Variants in GABRB1 observed in about 807,000 individuals in gnomAD.
The protein encoded by GABRB1 is gamma-aminobutyric acid type A receptor subunit beta1.
GABRB1 carries 17 observed loss-of-function variants against 51.6 expected under a neutral mutation model. That is an observed-to-expected ratio of 0.33 (90% confidence interval 0.23 to 0.49). The LOEUF (loss-of-function observed/expected upper bound fraction) is 0.49, where lower values mean the gene tolerates loss of function less well. Ranked by LOEUF, GABRB1 falls within the 20% of genes least tolerant of loss-of-function variation. The pLI, the probability that GABRB1 is intolerant of heterozygous loss-of-function variation, is 0.99. For missense variants in GABRB1, 410 were observed against 600.6 expected, an observed-to-expected ratio of 0.68 and a Z score of 3.32; for synonymous variants, 247 against 218.9, an observed-to-expected ratio of 1.13 and a Z score of -1.14.
At chr4:47,148,257 G>T (rs1717266316) in intron 3 of GABRB1, among the ~76,000 whole-genome samples, 1 of 151,966 alleles carries the variant, frequency 6.6e-6, no homozygotes, top group Admixed American at 6.6e-5. Flanking sequence ...GGGTGGAGAT[G>T]GAGGACCCGA....
chr4:47,236,876 A>C (rs1721351210), intron 4 of GABRB1, among the ~76,000 whole-genome samples: 1 of 152,154 alleles, frequency 6.6e-6, no homozygotes, highest in Non-Finnish European at 1.5e-5. Flanking sequence ...TGAAAAAGAA[A>C]AAGGTAAAGT....
chr4:47,156,228 A>T (rs1216858231), intron 3 of GABRB1, among the ~76,000 whole-genome samples: 2 of 151,336 alleles, frequency 1.3e-5, no homozygotes, highest in Non-Finnish European at 1.5e-5. Flanking sequence ...TCCAGTATCC[A>T]TTACTGCCTG....
At chr4:47,008,737 T>A (rs924665065) in intron 1 of GABRB1, among the ~76,000 whole-genome samples, 1 of 150,016 alleles carries the variant, frequency 6.7e-6, no homozygotes, top group Admixed American at 6.7e-5. Flanking sequence ...CCTTGGCCTC[T>A]GAAAGTGCTG....
At chr4:47,358,317 G>A (rs1400470369) in intron 5 of GABRB1, among the ~76,000 whole-genome samples, 2 of 151,668 alleles carry the variant, frequency 1.3e-5, no homozygotes. Context: ...ATATGTGTGT[G>A]TATATATATA....
chr4:47,355,930 G>A (rs190875670), intron 5 of GABRB1, among the ~76,000 whole-genome samples: 1 of 152,110 alleles, frequency 6.6e-6, no homozygotes, highest in Non-Finnish European at 1.5e-5. Context: ...CTAAGTCTGT[G>A]TTTGCTCTAT....
At chr4:47,077,031 A>G (rs1577885725) in intron 3 of GABRB1, among the ~76,000 whole-genome samples, 1 of 152,186 alleles carries the variant, frequency 6.6e-6, no homozygotes, top group East Asian at 1.9e-4. Context: ...CAAGTCAACA[A>G]AACCTGTTTT....
At chr4:47,248,076 C>T (rs1475791882) in intron 4 of GABRB1, among the ~76,000 whole-genome samples, 3 of 152,064 alleles carry the variant, frequency 2.0e-5, no homozygotes, top group Non-Finnish European at 4.4e-5. Context: ...GAGTGAACAT[C>T]CTTGTCTTAT....
At chr4:47,252,784 C>T (rs1042712039) in intron 4 of GABRB1, among the ~76,000 whole-genome samples, 1 of 152,084 alleles carries the variant, frequency 6.6e-6, no homozygotes, top group African/African-American at 2.4e-5. Context: ...TCCTAAAGTG[C>T]TGGGATTACA....
rs1291012865 is a variant in GABRB1 at position 47,248,730 on chromosome 4, C to G, written c.462-71397C>G. On this transcript the variant is annotated intron_variant, in intron 4 of 8. Coordinates refer to ENST00000295454, the MANE Select transcript of GABRB1 (RefSeq NM_000812.4). ...GGTGTCTAATTTTCCCTGATTTGAGCTAGGATGGTTCTATTTTTCCAGGAA... is the reference window on the plus strand; with the variant it reads ...GGTGTCTAATTTTCCCTGATTTGAGGTAGGATGGTTCTATTTTTCCAGGAA... Among the ~76,000 whole-genome samples, 3 of 151,908 alleles carry G rather than the reference C, an allele frequency of 2.0e-5. No homozygotes were observed. The South Asian group carries it at 6.2e-4, about 31-fold the overall frequency.
intron 4 of GABRB1, among the ~76,000 whole-genome samples, chr4:47,269,258 C>T (rs16860096): frequency 0.016 from 2,407 of 152,166 alleles, 63 homozygotes; most frequent in African/African-American, 0.055. Context: ...AGGCTGAAAC[C>T]CTCTAATCAC....
intron 3 of GABRB1, among the ~76,000 whole-genome samples, chr4:47,087,441 T>G (rs1728123867): frequency 6.6e-6 from 1 of 152,196 alleles, no homozygotes; most frequent in South Asian, 2.1e-4. Context: ...GCTGCCGCCT[T>G]GCCTGCAGAG....
At chr4:46,996,631 G>A (rs1724006973) in intron 1 of GABRB1, among the ~76,000 whole-genome samples, 1 of 152,094 alleles carries the variant, frequency 6.6e-6, no homozygotes, top group Admixed American at 6.5e-5. Context: ...TAGAACATTT[G>A]ACCAAACAGG....
intron 4 of GABRB1, among the ~76,000 whole-genome samples, chr4:47,217,466 GA>G (rs1340216970): frequency 6.6e-6 from 1 of 151,680 alleles, no homozygotes. Flanking sequence ...CAAGAGGAAA[GA>G]AAAAGATTCA....
chr4:47,379,863 T>G (rs1368746584), intron 5 of GABRB1, among the ~76,000 whole-genome samples: 1 of 152,196 alleles, frequency 6.6e-6, no homozygotes, highest in Non-Finnish European at 1.5e-5. Flanking sequence ...TAACAAGGCT[T>G]GTGACCATGT....
intron 4 of GABRB1, among the ~76,000 whole-genome samples, chr4:47,287,703 T>C (rs1241146784): frequency 2.6e-5 from 4 of 152,358 alleles, no homozygotes; most frequent in Non-Finnish European, 5.9e-5. Context: ...TGATACAATG[T>C]CATGTCTCGA....
chr4:47,350,183 TTATATA>T (rs367708916), intron 5 of GABRB1, among the ~76,000 whole-genome samples: 1,154 of 87,602 alleles, frequency 0.013, 9 homozygotes, highest in Non-Finnish European at 0.015. Context: ...TGGGCTCAGA[TTATATA>T]TATATATATA....
chr4:47,370,922 T>C (rs1480559004), intron 5 of GABRB1, among the ~76,000 whole-genome samples: 2 of 34,856 alleles, frequency 5.7e-5, no homozygotes, highest in African/African-American at 2.8e-4. Flanking sequence ...ACCACTTTAT[T>C]TTTTTTTTCT....
chr4:47,173,912 T>C (rs1718546811), intron 4 of GABRB1, among the ~76,000 whole-genome samples: 1 of 152,206 alleles, frequency 6.6e-6, no homozygotes, highest in Non-Finnish European at 1.5e-5. Flanking sequence ...CTACCCTTGT[T>C]ACATAGTCTC....
At chr4:47,077,690 G>A (rs966007179) in intron 3 of GABRB1, among the ~76,000 whole-genome samples, 1 of 150,748 alleles carries the variant, frequency 6.6e-6, no homozygotes, top group African/African-American at 2.4e-5. Context: ...AAAGTTTTAG[G>A]GAAACCATAT....
Sources: gnomAD v4.1 joint callset for allele counts (sites outside exome capture counted in the v4.1 genomes callset) on GRCh38, gnomAD v4.1.1 for gene constraint, MANE v1.5 for transcripts, NCBI Gene and HGNC (gene_info 2026-07-23, HGNC 2026-07-21) for gene names.